EN2: variants seen among roughly 807,000 people sequenced by gnomAD.
EN2 encodes the protein engrailed homeobox 2.
EN2 carries 7 observed loss-of-function variants against 25.0 expected under a neutral mutation model. The ratio of observed to expected loss-of-function variants is 0.28; its 90% CI spans 0.16 to 0.53. The LOEUF (loss-of-function observed/expected upper bound fraction) is 0.53. EN2 is among the 20% of genes least tolerant of loss of function. EN2 has a pLI of 0.96. For missense variants in EN2, 524 were observed against 501.8 expected, an observed-to-expected ratio of 1.04 and a Z score of -0.42; for synonymous variants, 277 against 243.3, an observed-to-expected ratio of 1.14 and a Z score of -1.29.
chr7:155,462,016 C>T (rs954211835), intron 1 of EN2, among the ~76,000 whole-genome samples: 11 of 152,108 alleles, frequency 7.2e-5, no homozygotes, highest in Admixed American at 2.6e-4. Context: ...ATCCCTGTTC[C>T]TGAACAGAGA....
In EN2 at chr7:155,458,611, G is replaced by C; in HGVS notation, c.234G>C (p.Glu78Asp). The C allele has an allele frequency of 6.8e-7, 1 of 1,468,612 alleles. No individual in the cohort carries two copies. Among genetic ancestry groups the C allele is most frequent in the Non-Finnish European group, 9.0e-7 (1 of 1,108,178 alleles). The allele number at this position is 1,468,612 out of a possible 1,614,324, so 91.0% of individuals were successfully genotyped here. A position where few individuals can be genotyped will look rare whatever the true frequency, so the allele number is the denominator to read the frequency against. Reference protein sequence around the residue: ...NFFIDNILRPEFGRRKDAGTC... With the variant: ...NFFIDNILRPDFGRRKDAGTC... ...TCATCGACAACATCCTGCGGCCCGA[G>C]TTCGGCCGGCGAAAGGACGCGGGGA... Residue 78 changes from glutamate to aspartate, a missense_variant, in exon 1 of 2, where the codon GAG becomes GAC. Glu to Asp is a conservative substitution (Grantham distance 45, BLOSUM62 2). Transcript: ENST00000297375.
intron 1 of EN2, 129 bp from the exon 2 acceptor site, chr7:155,462,242 G>A: frequency 5.9e-6 from 6 of 1,024,236 alleles, no homozygotes; most frequent in Non-Finnish European, 8.6e-6. Flanking sequence ...CCCCACATCT[G>A]GCGGTTCAGC....
In EN2 at chr7:155,458,345, C is replaced by G. The variant is rs761281646; in HGVS notation, c.-33C>G. 6 of 1,282,800 alleles carry G rather than the reference C, an allele frequency of 4.7e-6. No individual in the cohort carries two copies. Among genetic ancestry groups the G allele is most frequent in the South Asian group, 3.6e-5 (1 of 27,544 alleles). 79.5% of individuals were successfully genotyped at this position (1,282,800 alleles called of 1,614,324 possible). On this transcript the variant is annotated 5_prime_UTR_variant, in exon 1 of 2. Coordinates refer to ENST00000297375, the MANE Select transcript of EN2 (RefSeq NM_001427.4). ...GAAGGCTGATTTGGAAGGGCGTCCC[C>G]GGAGAACCAGTGTGGGATTTACTGT...
Position 155,464,712 on chromosome 7 carries a change from G to T in EN2, c.*2025G>T, listed in dbSNP as rs186998101. Reference sequence around the variant, plus strand: ...ATTTATAATCTTATGAGAAATGAATGAATGTTTCTATTTACAACTGTGCTT... The same window carrying T: ...ATTTATAATCTTATGAGAAATGAATTAATGTTTCTATTTACAACTGTGCTT... On this transcript the variant is annotated 3_prime_UTR_variant, in exon 2 of 2. Coordinates refer to ENST00000297375, the MANE Select transcript of EN2 (RefSeq NM_001427.4). 6.5e-6 allele frequency: 1 copy of T among 152,678 alleles called. No individual in the cohort carries two copies. Among genetic ancestry groups the T allele is most frequent in the East Asian group, 1.9e-4 (1 of 5,186 alleles). The allele number at this position is 152,678 out of a possible 1,614,324, so 9.5% of individuals were successfully genotyped here. A position where few individuals can be genotyped will look rare whatever the true frequency, so the allele number is the denominator to read the frequency against.
chr7:155,460,249 C>G (rs1274215179), intron 1 of EN2, among the ~76,000 whole-genome samples: 2 of 152,202 alleles, frequency 1.3e-5, no homozygotes, highest in Non-Finnish European at 2.9e-5. Flanking sequence ...GAGACTCGGC[C>G]GGGCTTTGTG....
rs925810421 is a variant in EN2 at position 155,458,905 on chromosome 7, C to T, written c.528C>T (p.Pro176=). 2.0e-6 allele frequency: 3 copies of T among 1,512,212 alleles called. No homozygotes were observed. In the African/African-American group the frequency reaches 4.3e-5, roughly 22 times the overall value. 93.7% of individuals were successfully genotyped at this position (1,512,212 alleles called of 1,614,324 possible). A position where few individuals can be genotyped will look rare whatever the true frequency, so the allele number is the denominator to read the frequency against. The part of the protein sequence containing the change: ...GAKKGGDPGG[P]LDGSLKARGL... ...AGAAAGGCGGCGACCCCGGCGGCCC[C>T]CTGGACGGGTCGCTCAAGGCCCGCG... The change falls in exon 1 of 2, where the codon CCC becomes CCT. Residue 176 remains proline (P), a synonymous_variant. Coordinates refer to ENST00000297375, the MANE Select transcript of EN2 (RefSeq NM_001427.4).
Position 155,458,715 on chromosome 7 carries a change from G to A in EN2, c.338G>A (p.Gly113Asp). The A allele has an allele frequency of 2.2e-6, 3 of 1,339,128 alleles. No homozygotes were observed. Among genetic ancestry groups the A allele is most frequent in the South Asian group, 2.0e-5 (1 of 49,210 alleles). The allele number at this position is 1,339,128 out of a possible 1,614,324, so 83.0% of individuals were successfully genotyped here. A position where few individuals can be genotyped will look rare whatever the true frequency, so the allele number is the denominator to read the frequency against. Residue 113 changes from glycine (G) to aspartate (D), a missense_variant, in exon 1 of 2, where the codon GGC (glycine) becomes GAC (aspartate). Physicochemically the swap from Gly to Asp is moderately conservative, Grantham distance 94. Coordinates refer to ENST00000297375, the MANE Select transcript of EN2 (RefSeq NM_001427.4). ...EGGASGAEGG[G>D]GAGGSEQLLG... ...GGCGCGAGCGGTGCGGAGGGAGGCG[G>A]CGGCGCGGGCGGCTCGGAGCAGCTC...
At position 155,462,750 on chromosome 7, in the gene EN2, A is replaced by G; in HGVS notation, c.*63A>G. 1 of 1,473,232 alleles carries G rather than the reference A, an allele frequency of 6.8e-7. No homozygotes were observed. The highest frequency in any genetic ancestry group is 9.1e-7 in the Non-Finnish European group (1 of 1,099,978). 91.3% of individuals were successfully genotyped at this position (1,473,232 alleles called of 1,614,324 possible). ...AACAATGCAATAATTTAAAATCATAAAGGGCCAGTGTATAAAGATTATACC... is the reference window on the plus strand; with the variant it reads ...AACAATGCAATAATTTAAAATCATAGAGGGCCAGTGTATAAAGATTATACC... On this transcript the variant is annotated 3_prime_UTR_variant, in exon 2 of 2. Transcript: ENST00000297375.
Position 155,458,983 on chromosome 7 carries a change from C to A in EN2, c.606C>A (p.Ala202=). 2 of 1,552,206 alleles carry A rather than the reference C, an allele frequency of 1.3e-6. No homozygotes were observed. Among genetic ancestry groups the A allele is most frequent in the Admixed American group, 1.8e-5 (1 of 54,114 alleles). The change falls in exon 1 of 2, where the codon GCC becomes GCA. Residue 202 remains alanine (A), a synonymous_variant. Coordinates refer to ENST00000297375, the MANE Select transcript of EN2 (RefSeq NM_001427.4). The part of the protein sequence containing the change: ...SVSSDSDSSQ[A]GANLGAQPML... The stretch of plus-strand genomic sequence containing the variant: ...GCTCGGACTCGGACAGCTCGCAAGC[C>A]GGCGCCAACCTGGGCGCGCAGCCCA...
At chr7:155,460,412 G>C (rs1795681692) in intron 1 of EN2, among the ~76,000 whole-genome samples, 1 of 152,108 alleles carries the variant, frequency 6.6e-6, no homozygotes, top group Non-Finnish European at 1.5e-5. Flanking sequence ...CTGTTCTTTG[G>C]TTTCTCCGAA....
rs1391913409 is a variant in EN2 at position 155,458,285 on chromosome 7, G to A, written c.-93G>A. 1 of 1,243,014 alleles carries A rather than the reference G, an allele frequency of 8.0e-7. No homozygotes were observed. The highest frequency in any genetic ancestry group is 1.0e-6 in the Non-Finnish European group (1 of 986,014). 77.0% of individuals were successfully genotyped at this position (1,243,014 alleles called of 1,614,324 possible). A position where few individuals can be genotyped will look rare whatever the true frequency, so the allele number is the denominator to read the frequency against. On this transcript the variant is annotated 5_prime_UTR_variant, in exon 1 of 2. Coordinates refer to ENST00000297375, the MANE Select transcript of EN2 (RefSeq NM_001427.4). ...CCCTCGGAAGACTCGGCGGGGTGGGGGCGCGGGGGTCTCCGTGTGCGCCGC... is the reference window on the plus strand; with the variant it reads ...CCCTCGGAAGACTCGGCGGGGTGGGAGCGCGGGGGTCTCCGTGTGCGCCGC...
chr7:155,462,064 G>A (rs962671998), intron 1 of EN2, among the ~76,000 whole-genome samples: 1 of 152,236 alleles, frequency 6.6e-6, no homozygotes, highest in Non-Finnish European at 1.5e-5. Flanking sequence ...GCCAGAAAGT[G>A]TGGGGAGTTT....
rs767169856 is a variant in EN2 at position 155,458,754 on chromosome 7, C to G, written c.377C>G (p.Ser126Cys). The G allele has an allele frequency of 7.3e-7, 1 of 1,363,714 alleles. No individual in the cohort carries two copies. Among genetic ancestry groups the G allele is most frequent in the Non-Finnish European group, 9.4e-7 (1 of 1,066,406 alleles). The allele number at this position is 1,363,714 out of a possible 1,614,324, so 84.5% of individuals were successfully genotyped here. The change falls in exon 1 of 2, where the codon TCC becomes TGC. Residue 126 changes from serine (S) to cysteine (C), a missense_variant. Ser to Cys is a moderately radical substitution (Grantham distance 112, BLOSUM62 -1). Coordinates refer to ENST00000297375, the MANE Select transcript of EN2 (RefSeq NM_001427.4). Reference protein sequence around the residue: ...GGSEQLLGSGSREPRQNPPCA... With the variant: ...GGSEQLLGSGCREPRQNPPCA... The stretch of plus-strand genomic sequence containing the variant: ...TCGGAGCAGCTCTTGGGCTCGGGCT[C>G]CCGAGAGCCCCGGCAGAACCCGCCA...
chr7:155,463,889 C>A lies in EN2; in HGVS notation c.*1202C>A, dbSNP rs1048117397. 6.6e-6 allele frequency: 1 copy of A among 152,096 alleles called. No individual in the cohort carries two copies. The highest frequency in any genetic ancestry group is 1.5e-5 in the Non-Finnish European group (1 of 68,026). The allele number at this position is 152,096 out of a possible 1,614,324, so 9.4% of individuals were successfully genotyped here. A position where few individuals can be genotyped will look rare whatever the true frequency, so the allele number is the denominator to read the frequency against. On this transcript the variant is annotated 3_prime_UTR_variant, in exon 2 of 2. Coordinates refer to ENST00000297375, the MANE Select transcript of EN2 (RefSeq NM_001427.4). ...TTTTTCTTTTCTTCCCTATTTTTTT[C>A]TTTTTTTCCTTTATTTTTTTCTTTT...
intron 1 of EN2, among the ~76,000 whole-genome samples, chr7:155,459,906 G>T (rs1027811621): frequency 6.6e-6 from 1 of 152,238 alleles, no homozygotes; most frequent in Non-Finnish European, 1.5e-5. Context: ...ATAGATCTGC[G>T]ATTTTAAAAA....
rs1312349383 is a variant in EN2, at chr7:155,462,375, C to A, written c.690C>A (p.Pro230=). 2 of 1,608,496 alleles carry A rather than the reference C, an allele frequency of 1.2e-6. No individual in the cohort carries two copies. Among genetic ancestry groups the A allele is most frequent in the African/African-American group, 2.7e-5 (2 of 74,592 alleles). Residue 230 remains proline (P), a synonymous_variant, in exon 2 of 2, where the codon CCC becomes CCA. Coordinates refer to ENST00000297375, the MANE Select transcript of EN2 (RefSeq NM_001427.4). ...CTGTCCACCGTATCTACCCAGGTCC[C>A]AGGTCTCGAAAACCAAAGAAGAAGA... ...TRYSDRPSSG[P]RSRKPKKKNP... is the part of the protein sequence containing the mutation.
rs1795650861 is a variant in EN2, at chr7:155,458,304, G to A, written c.-74G>A. 1 of 1,251,450 alleles carries A rather than the reference G, an allele frequency of 8.0e-7. No homozygotes were observed. Among genetic ancestry groups the A allele is most frequent in the Non-Finnish European group, 1.0e-6 (1 of 991,326 alleles). The allele number at this position is 1,251,450 out of a possible 1,614,324, so 77.5% of individuals were successfully genotyped here. On this transcript the variant is annotated 5_prime_UTR_variant, in exon 1 of 2. Coordinates refer to ENST00000297375, the MANE Select transcript of EN2 (RefSeq NM_001427.4). Reference sequence around the variant, plus strand: ...GGTGGGGGCGCGGGGGTCTCCGTGTGCGCCGCGGGAGGGCCGAAGGCTGAT... The same window carrying A: ...GGTGGGGGCGCGGGGGTCTCCGTGTACGCCGCGGGAGGGCCGAAGGCTGAT...
rs1433090441 is a variant in EN2 at position 155,459,075 on chromosome 7, G to A, written c.685+13G>A. On this transcript the variant is annotated intron_variant, in intron 1 of 1. Transcript: ENST00000297375. ...CGGCCTTCTTCAGGTGAGCCCGCGG[G>A]GACCACGCGTCCCGGCTCGCCGCGG... 1.9e-6 allele frequency: 3 copies of A among 1,565,280 alleles called. No individual in the cohort carries two copies. Among genetic ancestry groups the A allele is most frequent in the African/African-American group, 2.8e-5 (2 of 71,712 alleles).
Position 155,463,143 on chromosome 7 carries a change from T to A in EN2, c.*456T>A, listed in dbSNP as rs1412368576. The A allele has an allele frequency of 6.4e-6, 1 of 155,794 alleles. No homozygotes were observed. The highest frequency in any genetic ancestry group is 1.4e-5 in the Non-Finnish European group (1 of 70,520). The allele number at this position is 155,794 out of a possible 1,614,324, so 9.7% of individuals were successfully genotyped here. Reference sequence around the variant, plus strand: ...TCTATGACTTCTGCCACTTTGTTTGTGTTGGCTTGGTGAGGACAGCAGGAG... The same window carrying A: ...TCTATGACTTCTGCCACTTTGTTTGAGTTGGCTTGGTGAGGACAGCAGGAG... On this transcript the variant is annotated 3_prime_UTR_variant, in exon 2 of 2. Coordinates refer to ENST00000297375, the MANE Select transcript of EN2 (RefSeq NM_001427.4).
Sources: allele counts gnomAD v4.1 joint callset (sites outside exome capture counted in the v4.1 genomes callset), GRCh38; gene constraint gnomAD v4.1.1; transcripts MANE v1.5; gene names NCBI Gene and HGNC (gene_info 2026-07-23, HGNC 2026-07-21).